CLEC2B: variants seen among roughly 807,000 people sequenced by gnomAD.
The protein encoded by CLEC2B is C-type lectin domain family 2 member B.
In CLEC2B, 14 loss-of-function variants were observed where a neutral mutation model predicts 16.2. That is an observed-to-expected ratio of 0.86 (90% CI 0.57 to 1.35). The LOEUF is 1.35. CLEC2B is among the 40% of genes most tolerant of loss of function. CLEC2B has a pLI of 0.00. For missense variants in CLEC2B, 166 were observed against 182.3 expected, an observed-to-expected ratio of 0.91 and a Z score of 0.52; for synonymous variants, 42 against 55.8, an observed-to-expected ratio of 0.75 and a Z score of 1.10.
At chr12:9,862,695 C>A in intron 1 of CLEC2B, 122 bp from the exon 2 acceptor site, 2 of 768,734 alleles carry the variant, frequency 2.6e-6, no homozygotes, top group African/African-American at 1.9e-5. Context: ...GTGATTATCC[C>A]CAGCAATATC....
intron 2 of CLEC2B, among the ~76,000 whole-genome samples, chr12:9,859,694 C>G (rs1867919632): frequency 6.6e-6 from 1 of 151,636 alleles, no homozygotes; most frequent in Non-Finnish European, 1.5e-5. Context: ...ACTTTCCAAC[C>G]AAATTTTAGA....
At chr12:9,865,789 G>T (rs11053488) in intron 1 of CLEC2B, among the ~76,000 whole-genome samples, 4,655 of 152,212 alleles carry the variant, frequency 0.031, 74 homozygotes, top group Non-Finnish European at 0.038. Context: ...AAAAAAAGTA[G>T]AAATCTAATC....
chr12:9,857,679 T>C (rs767931220), intron 2 of CLEC2B, 42 bp from the exon 3 acceptor site: 1 of 1,422,160 alleles, frequency 7.0e-7, no homozygotes. Flanking sequence ...CCATATAGAA[T>C]AATATGCTAC....
rs200367632 is a variant in CLEC2B, at chr12:9,862,573, C to A, written c.-2G>T. ...ACACTTTTTATGTTTGGTCATCATA[C>A]CTGAAAAATAAAAATAAAGACATTT... On this transcript the variant is annotated splice_region_variant and 5_prime_UTR_variant, in exon 2 of 5. Transcript: ENST00000228438. 14 of 1,467,748 alleles carry A rather than the reference C, an allele frequency of 9.5e-6. No homozygotes were observed. Among genetic ancestry groups the A allele is most frequent in the Non-Finnish European group, 1.3e-5 (14 of 1,096,704 alleles). The allele number at this position is 1,467,748 out of a possible 1,614,324, so 90.9% of individuals were successfully genotyped here.
rs253147 is a variant in CLEC2B at position 9,862,483 on chromosome 12, G to A, written c.73+16C>T. ...CATAGAAAGCCATGAAAAATAAAAT[G>A]AAGGATGTAACTTACCTATCAGAGT... is the stretch of plus-strand genomic sequence containing the variant. On this transcript the variant is annotated intron_variant, in intron 2 of 4. Transcript: ENST00000228438. The A allele has an allele frequency of 0.58, 827,990 of 1,425,270 alleles. 244,372 individuals carry two copies. Among genetic ancestry groups the A allele is most frequent in the African/African-American group, 0.79 (53,168 of 67,230 alleles). The allele number at this position is 1,425,270 out of a possible 1,614,324, so 88.3% of individuals were successfully genotyped here.
intron 4 of CLEC2B, among the ~76,000 whole-genome samples, chr12:9,853,618 A>G (rs934618432): frequency 1.3e-5 from 2 of 152,236 alleles, no homozygotes; most frequent in Admixed American, 1.3e-4. Flanking sequence ...TAGGTTGGTT[A>G]CATGTAATCA....
At chr12:9,860,878 G>A (rs1867927898) in intron 2 of CLEC2B, among the ~76,000 whole-genome samples, 1 of 151,714 alleles carries the variant, frequency 6.6e-6, no homozygotes, top group African/African-American at 2.4e-5. Flanking sequence ...TTTTTAATAA[G>A]TTATTTCAGG....
intron 4 of CLEC2B, 48 bp from the exon 5 acceptor site, chr12:9,853,456 G>GC: frequency 6.8e-7 from 1 of 1,470,852 alleles, no homozygotes; most frequent in Non-Finnish European, 9.5e-7. Flanking sequence ...TTTCTTCCTT[G>GC]CCCATGGACA....
At chr12:9,868,742 A>G (rs1867991114) in intron 1 of CLEC2B, among the ~76,000 whole-genome samples, 1 of 152,084 alleles carries the variant, frequency 6.6e-6, no homozygotes, top group African/African-American at 2.4e-5. Context: ...AGTACTAGCA[A>G]TTCCTTAGTA....
chr12:9,856,022 T>C (rs900759491), intron 3 of CLEC2B, among the ~76,000 whole-genome samples: 2 of 152,078 alleles, frequency 1.3e-5, no homozygotes, highest in Non-Finnish European at 2.9e-5. Flanking sequence ...TATCAGGATA[T>C]TTTATGATCA....
Position 9,857,635 on chromosome 12 carries a change from T to C in CLEC2B, c.76A>G (p.Lys26Glu). The C allele has an allele frequency of 6.2e-7, 1 of 1,606,402 alleles. No homozygotes were observed. The highest frequency in any genetic ancestry group is 1.1e-5 in the South Asian group (1 of 90,856). ...ITTNIITLIVKLTRDSQSLCP... is the reference protein window; with the variant it reads ...ITTNIITLIVELTRDSQSLCP... ...AAACTCTGAGAATCTCGAGTTAGTT[T>C]AACTGGAAATGAGACAAATATATAT... Residue 26 changes from lysine to glutamate, a missense_variant and splice_region_variant, in exon 3 of 5, where the codon AAA (lysine) becomes GAA (glutamate). Physicochemically the swap from Lys to Glu is moderately conservative, Grantham distance 56. Coordinates refer to ENST00000228438, the MANE Select transcript of CLEC2B (RefSeq NM_005127.3).
chr12:9,853,299 C>T lies in CLEC2B; in HGVS notation c.*1G>A, dbSNP rs1345749884. 3.8e-6 allele frequency: 6 copies of T among 1,587,926 alleles called. No individual in the cohort carries two copies. The highest frequency in any genetic ancestry group is 5.2e-6 in the Non-Finnish European group (6 of 1,156,392). The stretch of plus-strand genomic sequence containing the variant: ...TTTTCCCCATTATCTTAGACATTAA[C>T]TTAGTGTATTCTTTTCCTGCAAATC... On this transcript the variant is annotated 3_prime_UTR_variant, in exon 5 of 5. Coordinates refer to ENST00000228438, the MANE Select transcript of CLEC2B (RefSeq NM_005127.3).
chr12:9,854,039 G>T (rs900777830), intron 4 of CLEC2B, among the ~76,000 whole-genome samples: 9 of 152,008 alleles, frequency 5.9e-5, no homozygotes, highest in African/African-American at 2.2e-4. Flanking sequence ...AACTGTAAAA[G>T]ACATCAGAAA....
intron 3 of CLEC2B, 61 bp from the exon 4 acceptor site, chr12:9,854,545 T>C (rs921963973): frequency 9.2e-6 from 10 of 1,083,886 alleles, no homozygotes; most frequent in Non-Finnish European, 1.4e-5. Flanking sequence ...ACCTACTGTG[T>C]ACCTCTTGTT....
At chr12:9,853,794 G>A (rs986952534) in intron 4 of CLEC2B, among the ~76,000 whole-genome samples, 1 of 152,056 alleles carries the variant, frequency 6.6e-6, no homozygotes, top group Non-Finnish European at 1.5e-5. Flanking sequence ...GCCCTACAAT[G>A]CACAAAGAAA....
In CLEC2B at chr12:9,854,102, T is replaced by C. The variant is rs190821355; in HGVS notation, c.341+279A>G. ...TCATATAATTGGACAGGATAGTTTA[T>C]AATCAGAGAAAAGTTTAAATTGGGG... On this transcript the variant is annotated intron_variant, in intron 4 of 4. Transcript: ENST00000228438. Among the ~76,000 whole-genome samples, 271 of 152,304 alleles carry C rather than the reference T, an allele frequency of 1.8e-3. 4 individuals are homozygous for C. Among genetic ancestry groups the C allele is most frequent in the African/African-American group, 6.2e-3 (256 of 41,564 alleles).
chr12:9,853,083 A>AAAGAAAG lies in CLEC2B; in HGVS notation c.*216_*217insCTTTCTT. On this transcript the variant is annotated 3_prime_UTR_variant, in exon 5 of 5. Transcript: ENST00000228438. Reference sequence around the variant, plus strand: ...AAAGAAAGAAAGAAAGAAAGAAAGAAAGAGAGAGAGAGAAAGAAAGAAAGA... The same window carrying AAAGAAAG: ...AAAGAAAGAAAGAAAGAAAGAAAGAAAAGAAAGAGAGAGAGAGAGAAAGAAAGAAAGA... The AAAGAAAG allele has an allele frequency of 1.9e-5, 6 of 308,216 alleles. No homozygotes were observed. The highest frequency in any genetic ancestry group is 3.5e-5 in the Non-Finnish European group (6 of 173,276). 19.1% of individuals were successfully genotyped at this position (308,216 alleles called of 1,614,324 possible).
rs1308345863 is a variant in CLEC2B at position 9,857,535 on chromosome 12, C to T, written c.176G>A (p.Ser59Asn). Residue 59 changes from serine (S) to asparagine (N), a missense_variant, in exon 3 of 5, where the codon AGT becomes AAT. Coordinates refer to ENST00000228438, the MANE Select transcript of CLEC2B (RefSeq NM_005127.3). ...ATGTTGAGTGGAACAGTTGTATTTACTTGAATTCCAATCTCCTTCTTCTTT... is the reference window on the plus strand; with the variant it reads ...ATGTTGAGTGGAACAGTTGTATTTATTTGAATTCCAATCTCCTTCTTCTTT... ...FSKEEGDWNS[S>N]KYNCSTQHAD... 4 of 1,611,566 alleles carry T rather than the reference C, an allele frequency of 2.5e-6. No homozygotes were observed. Among genetic ancestry groups the T allele is most frequent in the Non-Finnish European group, 3.4e-6 (4 of 1,178,206 alleles).
chr12:9,856,414 C>T (rs1391387822), intron 3 of CLEC2B, among the ~76,000 whole-genome samples: 1 of 152,056 alleles, frequency 6.6e-6, no homozygotes, highest in Non-Finnish European at 1.5e-5. Context: ...ATTAAACTTG[C>T]ACCTTAATTC....
Sources: gnomAD v4.1 joint callset for allele counts (sites outside exome capture counted in the v4.1 genomes callset) on GRCh38, gnomAD v4.1.1 for gene constraint, MANE v1.5 for transcripts, NCBI Gene and HGNC (gene_info 2026-07-23, HGNC 2026-07-21) for gene names.